The following NAALADL2 variants were observed in gnomAD, a reference collection of about 807,000 sequenced individuals.
NAALADL2 encodes N-acetylated alpha-linked acidic dipeptidase like 2, also known as inactive N-acetylated-alpha-linked acidic dipeptidase-like protein 2.
A neutral mutation model predicts 87.2 loss-of-function variants in NAALADL2; 76 were observed. That is an observed-to-expected ratio of 0.87 (90% CI 0.72 to 1.05). The LOEUF (loss-of-function observed/expected upper bound fraction) is 1.05. Among genes scored for constraint, NAALADL2 ranks in the 50% least tolerant of loss-of-function variants. The pLI is 0.00. For missense variants in NAALADL2, 1,089 were observed against 945.8 expected (o/e 1.15, Z -1.99); for synonymous variants, 354 against 331.0 (o/e 1.07, Z -0.75).
intron 2 of NAALADL2, among the ~76,000 whole-genome samples, chr3:175,233,191 GCT>G (rs1196507585): frequency 3.3e-5 from 5 of 152,102 alleles, no homozygotes; most frequent in African/African-American, 1.2e-4. Context: ...TATCTAAACA[GCT>G]CTCTCTGTAT....
At chr3:175,379,940 A>G (rs56265208) in intron 5 of NAALADL2, among the ~76,000 whole-genome samples, 59,601 of 151,940 alleles carry the variant, frequency 0.39, 12,000 homozygotes, top group East Asian at 0.54. Context: ...TCAGCAAACT[A>G]TCACAAGGAC....
intron 1 of NAALADL2, among the ~76,000 whole-genome samples, chr3:174,860,287 T>C (rs1256268514): frequency 6.6e-6 from 1 of 152,086 alleles, no homozygotes; most frequent in South Asian, 2.1e-4. Flanking sequence ...TTTCTCTACA[T>C]AGCCTGCTTA....
chr3:175,213,770 G>A (rs1742106783), intron 2 of NAALADL2, among the ~76,000 whole-genome samples: 1 of 152,040 alleles, frequency 6.6e-6, no homozygotes, highest in Admixed American at 6.6e-5. Context: ...GAGTCTTAAG[G>A]GTCTTTAATA....
At chr3:175,450,986 A>T (rs1721478704) in intron 6 of NAALADL2, among the ~76,000 whole-genome samples, 1 of 152,140 alleles carries the variant, frequency 6.6e-6, no homozygotes, top group Admixed American at 6.6e-5. Context: ...AAGGGGTCAG[A>T]TGAGTAAAGG....
chr3:175,388,925 G>A (rs1768749356), intron 5 of NAALADL2, among the ~76,000 whole-genome samples: 2 of 151,906 alleles, frequency 1.3e-5, no homozygotes, highest in African/African-American at 4.8e-5. Context: ...TGTATTTTAA[G>A]CACAAATTGT....
At chr3:174,491,365 G>A (rs576245463) in intron 1 of NAALADL2, among the ~76,000 whole-genome samples, 1 of 152,258 alleles carries the variant, frequency 6.6e-6, no homozygotes, top group South Asian at 2.1e-4. Context: ...GAAGTGTTGA[G>A]TAGTCAAAGC....
intron 1 of NAALADL2, among the ~76,000 whole-genome samples, chr3:175,031,035 T>G (rs1357161869): frequency 6.6e-6 from 1 of 152,042 alleles, no homozygotes; most frequent in Non-Finnish European, 1.5e-5. Context: ...TATTATAATT[T>G]TAAATAGTTA....
At chr3:175,257,272 A>G (rs1750139768) in intron 4 of NAALADL2, 1 of 151,522 alleles carries the variant, frequency 6.6e-6, no homozygotes, top group Non-Finnish European at 1.5e-5. Flanking sequence ...ATTTCTCCTC[A>G]TTCAACCTTA....
chr3:175,484,011 A>T (rs1390415664), intron 9 of NAALADL2, among the ~76,000 whole-genome samples: 4 of 152,080 alleles, frequency 2.6e-5, no homozygotes, highest in African/African-American at 9.7e-5. Flanking sequence ...TCAAACAGAT[A>T]ACTAAAGAGC....
rs562417283 is a variant in NAALADL2, at chr3:174,558,896, C to G, written c.-115+8259C>G. Among the ~76,000 whole-genome samples the G allele has an allele frequency of 1.4e-4, 21 of 152,210 alleles. No homozygotes were observed. In the East Asian group the frequency reaches 3.9e-3, roughly 28 times the overall value. On this transcript the variant is annotated intron_variant, in intron 2 of 3. Coordinates refer to the NAALADL2 transcript ENST00000434257. The stretch of plus-strand genomic sequence containing the variant: ...ATATGCTGAAAGAAGCAGCTGCTTC[C>G]CCTCCACTTGCTGCAGTTCTGTATA...
intron 5 of NAALADL2, among the ~76,000 whole-genome samples, chr3:175,404,811 A>G (rs1224733391): frequency 6.6e-6 from 1 of 152,178 alleles, no homozygotes; most frequent in South Asian, 2.1e-4. Context: ...GCACTTTACT[A>G]CTATCCATGT....
intron 9 of NAALADL2, among the ~76,000 whole-genome samples, chr3:175,545,101 T>G (rs1031581799): frequency 1.1e-4 from 17 of 152,172 alleles, no homozygotes; most frequent in African/African-American, 3.1e-4. Context: ...AAAACATTAT[T>G]AGAGAGGCCA....
intron 9 of NAALADL2, among the ~76,000 whole-genome samples, chr3:175,520,311 A>G (rs1372607375): frequency 3.3e-5 from 2 of 61,260 alleles, no homozygotes; most frequent in Non-Finnish European, 5.8e-5. Context: ...TTTTTTTTTG[A>G]GACGGAGTCT....
intron 1 of NAALADL2, among the ~76,000 whole-genome samples, chr3:175,042,547 C>T (rs77666731): frequency 0.095 from 14,459 of 152,084 alleles, 970 homozygotes; most frequent in East Asian, 0.25. Flanking sequence ...TTTATATTCC[C>T]CCCAACAATG....
At chr3:175,195,887 C>A (rs1230437641) in intron 2 of NAALADL2, among the ~76,000 whole-genome samples, 1 of 151,910 alleles carries the variant, frequency 6.6e-6, no homozygotes, top group Non-Finnish European at 1.5e-5. Flanking sequence ...ATTGACAGTT[C>A]TTTCCACTAA....
At chr3:174,708,439 A>T (rs987690266) in intron 2 of NAALADL2, among the ~76,000 whole-genome samples, 1 of 152,200 alleles carries the variant, frequency 6.6e-6, no homozygotes, top group Non-Finnish European at 1.5e-5. Flanking sequence ...CATTTATTCC[A>T]CTTTTTAGAT....
At chr3:174,531,035 A>G (rs867946043) in intron 1 of NAALADL2, among the ~76,000 whole-genome samples, 1 of 152,230 alleles carries the variant, frequency 6.6e-6, no homozygotes, top group Admixed American at 6.5e-5. Context: ...AGACAAATAC[A>G]GTCTTAAAGC....
chr3:175,082,810 T>G (rs541512279), intron 1 of NAALADL2, among the ~76,000 whole-genome samples: 5 of 152,310 alleles, frequency 3.3e-5, no homozygotes, highest in Admixed American at 1.3e-4. Context: ...TTGGTAAATA[T>G]GTAGAAGGTG....
intron 1 of NAALADL2, among the ~76,000 whole-genome samples, chr3:175,028,437 G>C (rs1256896839): frequency 6.6e-6 from 1 of 151,994 alleles, no homozygotes; most frequent in East Asian, 1.9e-4. Flanking sequence ...TATGTCCTTA[G>C]CAGAATTGGA....
Sources: gnomAD v4.1 joint callset for allele counts (sites outside exome capture counted in the v4.1 genomes callset) on GRCh38, gnomAD v4.1.1 for gene constraint, MANE v1.5 for transcripts, NCBI Gene and HGNC (gene_info 2026-07-23, HGNC 2026-07-21) for gene names.